VPS45: variants seen among roughly 807,000 people sequenced by gnomAD.
VPS45 encodes vacuolar protein sorting-associated protein 45.
VPS45 carries 35 observed loss-of-function variants against 75.9 expected under a neutral mutation model. That is an observed-to-expected ratio of 0.46 (90% CI 0.35 to 0.61). The LOEUF (loss-of-function observed/expected upper bound fraction) is 0.61, where lower values mean the gene tolerates loss of function less well. Among genes scored for constraint, VPS45 ranks in the 20% least tolerant of loss-of-function variants. The probability of loss-of-function intolerance (pLI) is 0.00; values close to 1 mark genes in which losing one functional copy is unlikely to be tolerated. For missense variants in VPS45, 559 were observed against 685.9 expected, an observed-to-expected ratio of 0.81 and a Z score of 2.07; for synonymous variants, 220 against 238.2, an observed-to-expected ratio of 0.92 and a Z score of 0.70.
At chr1:150,076,422 A>G in intron 4 of VPS45, 110 bp downstream of exon 4, 1 of 699,442 alleles carries the variant, frequency 1.4e-6, no homozygotes, top group Non-Finnish European at 2.3e-6. Context: ...TTTATTATGA[A>G]TACTTGAATA....
At chr1:150,134,677 T>C (rs1395258673) in intron 14 of VPS45, among the ~76,000 whole-genome samples, 3 of 152,246 alleles carry the variant, frequency 2.0e-5, no homozygotes, top group African/African-American at 7.2e-5. Context: ...CATACTTTTT[T>C]CATTAAACTT....
At chr1:150,113,225 A>G (rs1657742860) in intron 14 of VPS45, among the ~76,000 whole-genome samples, 1 of 152,108 alleles carries the variant, frequency 6.6e-6, no homozygotes, top group African/African-American at 2.4e-5. Flanking sequence ...GAGTCATCTC[A>G]TTGAAACAAA....
intron 12 of VPS45, among the ~76,000 whole-genome samples, chr1:150,092,904 T>C (rs187932948): frequency 0.023 from 3,019 of 132,416 alleles, 89 homozygotes; most frequent in African/African-American, 0.078. Flanking sequence ...TGCAGTGGCG[T>C]GATCTCGGCT....
intron 14 of VPS45, among the ~76,000 whole-genome samples, chr1:150,123,764 C>T (rs1263626607): frequency 6.6e-6 from 1 of 152,152 alleles, no homozygotes; most frequent in African/African-American, 2.4e-5. Context: ...AAATACCTGT[C>T]TTCATGGGAT....
chr1:150,088,403 G>C (rs1262772579), intron 10 of VPS45, among the ~76,000 whole-genome samples: 1 of 142,760 alleles, frequency 7.0e-6, no homozygotes, highest in African/African-American at 2.6e-5. Flanking sequence ...ACAAATGACA[G>C]GATTTTGTTC....
At chr1:150,090,791 C>T (rs1656284484) in intron 10 of VPS45, among the ~76,000 whole-genome samples, 1 of 152,150 alleles carries the variant, frequency 6.6e-6, no homozygotes, top group Non-Finnish European at 1.5e-5. Flanking sequence ...CTTCATCAAT[C>T]AGTGTTTGAT....
chr1:150,072,722 CTTT>C (rs1192612208), intron 3 of VPS45, among the ~76,000 whole-genome samples: 1 of 150,470 alleles, frequency 6.6e-6, no homozygotes. Context: ...TTCCATTCAT[CTTT>C]GATTGCTTAA....
intron 13 of VPS45, 86 bp downstream of exon 13, chr1:150,093,734 G>T: frequency 6.8e-7 from 1 of 1,471,680 alleles, no homozygotes; most frequent in Admixed American, 2.2e-5. Flanking sequence ...TAAAGCTGAG[G>T]TTATAGCATT....
intron 13 of VPS45, among the ~76,000 whole-genome samples, chr1:150,103,635 G>A (rs1186157947): frequency 2.6e-5 from 4 of 152,134 alleles, no homozygotes; most frequent in Non-Finnish European, 4.4e-5. Context: ...TCAGACTGAA[G>A]GACAGTGTTC....
intron 11 of VPS45, 69 bp downstream of exon 11, chr1:150,092,164 A>G: frequency 6.5e-7 from 1 of 1,539,984 alleles, no homozygotes; most frequent in Non-Finnish European, 8.8e-7. Context: ...GCTCTAACGA[A>G]TGATAAATCA....
At chr1:150,120,896 C>T (rs907784375) in intron 14 of VPS45, among the ~76,000 whole-genome samples, 2 of 117,196 alleles carry the variant, frequency 1.7e-5, no homozygotes, top group Non-Finnish European at 3.3e-5. Context: ...GAGTCAGAGT[C>T]TTGCTCTGTG....
At position 150,081,864 on chromosome 1, in the gene VPS45, T is replaced by C. The variant is rs1447309115; in HGVS notation, c.823-20T>C. 2.7e-6 allele frequency: 4 copies of C among 1,506,016 alleles called. No homozygotes were observed. The highest frequency in any genetic ancestry group is 1.8e-6 in the Non-Finnish European group (2 of 1,093,350). The allele number at this position is 1,506,016 out of a possible 1,614,324, so 93.3% of individuals were successfully genotyped here. A position where few individuals can be genotyped will look rare whatever the true frequency, so the allele number is the denominator to read the frequency against. The stretch of plus-strand genomic sequence containing the variant: ...GTCAGACTAGTTGATGAAGTGTGCT[T>C]CCAACTTTCTTTTTCACAGAATATG... On this transcript the variant is annotated intron_variant, in intron 8 of 14. Transcript: ENST00000644510.
chr1:150,142,546 G>A (rs1553815522), intron 14 of VPS45, among the ~76,000 whole-genome samples: 1 of 152,218 alleles, frequency 6.6e-6, no homozygotes, highest in Non-Finnish European at 1.5e-5. Context: ...ATCTTTCAAT[G>A]CAAGATGGTA....
Position 150,116,401 on chromosome 1 carries a change from G to C in VPS45, c.1625+5774G>C, listed in dbSNP as rs1231160206. 3.3e-5 allele frequency among the ~76,000 whole-genome samples: 5 copies of C among 152,128 alleles called. No individual in the cohort carries two copies. The South Asian group carries it at 8.3e-4, about 25-fold the overall frequency. ...GATACTGTATGCTAGGCACTGTACT[G>C]AAAGTACTTTAAATCTATTAATTCA... On this transcript the variant is annotated intron_variant, in intron 14 of 14. Transcript: ENST00000644510.
intron 13 of VPS45, among the ~76,000 whole-genome samples, chr1:150,099,235 G>A (rs1267940949): frequency 1.3e-5 from 2 of 152,076 alleles, no homozygotes; most frequent in Non-Finnish European, 2.9e-5. Flanking sequence ...TGTGTCTCAT[G>A]CTTGTAATCC....
At chr1:150,120,117 T>C (rs1038918937) in intron 14 of VPS45, among the ~76,000 whole-genome samples, 3 of 112,536 alleles carry the variant, frequency 2.7e-5, no homozygotes, top group African/African-American at 1.4e-4. Flanking sequence ...TAAAAAAAAA[T>C]AATAAATCTG....
upstream of VPS45, chr1:150,067,599 G>T: frequency 2.1e-6 from 1 of 476,430 alleles, no homozygotes; most frequent in Non-Finnish European, 3.7e-6. Context: ...GGCATCTTCA[G>T]GCCGCAGGTG....
intron 14 of VPS45, among the ~76,000 whole-genome samples, chr1:150,118,875 A>C (rs1221334701): frequency 6.6e-6 from 1 of 152,244 alleles, no homozygotes; most frequent in Admixed American, 6.5e-5. Flanking sequence ...AAGATTCAAT[A>C]AAATTTTGGA....
chr1:150,085,322 A>G (rs945099772), intron 10 of VPS45, among the ~76,000 whole-genome samples: 1 of 152,114 alleles, frequency 6.6e-6, no homozygotes. Flanking sequence ...CTTTATTTGT[A>G]TCTCTCTACA....
Sources: gnomAD v4.1 joint callset for allele counts (sites outside exome capture counted in the v4.1 genomes callset) on GRCh38, gnomAD v4.1.1 for gene constraint, MANE v1.5 for transcripts, NCBI Gene and HGNC (gene_info 2026-07-23, HGNC 2026-07-21) for gene names.